SCAMP5: variants seen among roughly 807,000 people sequenced by gnomAD.
SCAMP5 encodes the protein secretory carrier membrane protein 5, also known as secretory carrier-associated membrane protein 5.
SCAMP5 carries 7 observed loss-of-function variants against 28.3 expected under a neutral mutation model. That is an observed-to-expected ratio of 0.25 (90% CI 0.14 to 0.46). The LOEUF (loss-of-function observed/expected upper bound fraction) is 0.46, where lower values mean the gene tolerates loss of function less well. SCAMP5 is among the 20% of genes least tolerant of loss of function. The probability of loss-of-function intolerance (pLI) is 0.99; values close to 1 mark genes in which losing one functional copy is unlikely to be tolerated. For synonymous variants in SCAMP5, 117 were observed against 116.4 expected, an observed-to-expected ratio of 1.00 and a Z score of -0.03; for missense variants, 192 against 312.5, an observed-to-expected ratio of 0.61 and a Z score of 2.91.
intron 1 of SCAMP5, among the ~76,000 whole-genome samples, chr15:75,006,419 G>A (rs111726606): frequency 0.17 from 25,791 of 150,826 alleles, 3,253 homozygotes; most frequent in South Asian, 0.44. Context: ...TTGGGAGGCT[G>A]AGGTGGGTGG....
In SCAMP5 at chr15:75,011,825, C is replaced by A; in HGVS notation, c.-15C>A. ...AAAGAGGTGTGGGCAGGCCACTGGG[C>A]CAGCTGGTAACATCATGGCAGGTAA... On this transcript the variant is annotated 5_prime_UTR_variant, in exon 2 of 7. Transcript: ENST00000425597. 6.2e-7 allele frequency: 1 copy of A among 1,611,962 alleles called. No individual in the cohort carries two copies. Among genetic ancestry groups the A allele is most frequent in the Non-Finnish European group, 8.5e-7 (1 of 1,178,312 alleles).
chr15:75,014,954 G>C (rs1346965680), intron 3 of SCAMP5, among the ~76,000 whole-genome samples: 1 of 152,192 alleles, frequency 6.6e-6, no homozygotes, highest in South Asian at 2.1e-4. Flanking sequence ...AAATACAGCT[G>C]AAATGTACAG....
intron 1 of SCAMP5, among the ~76,000 whole-genome samples, chr15:75,011,499 C>G (rs1215731458): frequency 2.0e-5 from 3 of 152,344 alleles, no homozygotes; most frequent in South Asian, 2.1e-4. Context: ...AATAGAATGT[C>G]ACTTGGCTTT....
chr15:75,011,934 T>C, intron 2 of SCAMP5, 88 bp downstream of exon 2: 1 of 1,098,156 alleles, frequency 9.1e-7, no homozygotes, highest in Non-Finnish European at 1.4e-6. Context: ...TCTCCCCTAG[T>C]CTTTGGAGGC....
rs2065884927 is a variant in SCAMP5 at position 75,019,119 on chromosome 15, A to T, written c.*136A>T. On this transcript the variant is annotated 3_prime_UTR_variant, in exon 7 of 7. Transcript: ENST00000425597. ...CTACTTTGTACAAAGGACCAGAGTT[A>T]TATATATATATATATGTATATGTCT... The T allele has an allele frequency of 2.3e-5, 7 of 310,708 alleles. No individual in the cohort carries two copies. In the Admixed American group the frequency reaches 3.1e-4, roughly 14 times the overall value. 19.2% of individuals were successfully genotyped at this position (310,708 alleles called of 1,614,324 possible).
intron 3 of SCAMP5, 150 bp downstream of exon 3, chr15:75,012,955 G>C (rs2065826075): frequency 1.4e-6 from 1 of 707,650 alleles, no homozygotes; most frequent in South Asian, 1.9e-5. Context: ...TCCCCTGCCA[G>C]GCTCCCAGAG....
At chr15:75,003,997 G>A (rs1007027855) in intron 1 of SCAMP5, among the ~76,000 whole-genome samples, 18 of 151,670 alleles carry the variant, frequency 1.2e-4, no homozygotes, top group Non-Finnish European at 4.4e-5. Context: ...CTCCGCTTCC[G>A]GGGTTCAAGC....
rs182050628 is a variant in SCAMP5 at position 75,000,234 on chromosome 15, G to A, written c.-49+4561G>A. Reference sequence around the variant, plus strand: ...TTTAGAGATGAGGTCTCACTATGTTGTCCAGGCTGTAGTGCAGTGACTATT... The same window carrying A: ...TTTAGAGATGAGGTCTCACTATGTTATCCAGGCTGTAGTGCAGTGACTATT... On this transcript the variant is annotated intron_variant, in intron 1 of 6. Coordinates refer to ENST00000425597, the MANE Select transcript of SCAMP5 (RefSeq NM_138967.4). Among the ~76,000 whole-genome samples, 15 of 152,158 alleles carry A rather than the reference G, an allele frequency of 9.9e-5. No homozygotes were observed. In the East Asian group the frequency reaches 2.9e-3, roughly 29 times the overall value.
intron 1 of SCAMP5, among the ~76,000 whole-genome samples, chr15:74,998,377 G>T (rs932121359): frequency 1.3e-5 from 2 of 152,088 alleles, no homozygotes; most frequent in Non-Finnish European, 2.9e-5. Flanking sequence ...AGGCCGAGGC[G>T]GGTGGATCAC....
At chr15:75,000,421 G>C (rs2065693120) in intron 1 of SCAMP5, among the ~76,000 whole-genome samples, 1 of 150,778 alleles carries the variant, frequency 6.6e-6, no homozygotes, top group African/African-American at 2.4e-5. Context: ...GTCTTGTTCT[G>C]TCCCCCAGGC....
At chr15:75,001,856 C>A (rs576319717) in intron 1 of SCAMP5, among the ~76,000 whole-genome samples, 2 of 103,128 alleles carry the variant, frequency 1.9e-5, no homozygotes, top group African/African-American at 3.8e-5. Flanking sequence ...GGCAACAGGG[C>A]AAGACTCGGT....
chr15:75,012,662 G>A lies in SCAMP5; in HGVS notation c.8-15G>A. ...AAGACTGGAGGTGATGTTGTGCAATGTGTCTCATCCACAGAGAAAGTGAAC... is the reference window on the plus strand; with the variant it reads ...AAGACTGGAGGTGATGTTGTGCAATATGTCTCATCCACAGAGAAAGTGAAC... On this transcript the variant is annotated splice_polypyrimidine_tract_variant and intron_variant, in intron 2 of 6. Coordinates refer to ENST00000425597, the MANE Select transcript of SCAMP5 (RefSeq NM_138967.4). The A allele has an allele frequency of 2.5e-6, 4 of 1,613,896 alleles. No homozygotes were observed. Among genetic ancestry groups the A allele is most frequent in the Non-Finnish European group, 3.4e-6 (4 of 1,179,786 alleles).
Position 74,996,811 on chromosome 15 carries a change from T to G in SCAMP5, c.-49+1138T>G, listed in dbSNP as rs539852783. 3.1e-4 allele frequency among the ~76,000 whole-genome samples: 47 copies of G among 152,300 alleles called. No individual in the cohort carries two copies. The highest frequency in any genetic ancestry group is 9.1e-4 in the African/African-American group (38 of 41,560). On this transcript the variant is annotated intron_variant, in intron 1 of 6. Coordinates refer to ENST00000425597, the MANE Select transcript of SCAMP5 (RefSeq NM_138967.4). This position sits in a 1 kb window ranked among gnomAD's most constrained non-coding sequence, Gnocchi z 4.1. Reference sequence around the variant, plus strand: ...GATTTTGTTTGGGGCTACACAGGTCTTGCTAACTTAGGTTTGTTCTGGGCT... The same window carrying G: ...GATTTTGTTTGGGGCTACACAGGTCGTGCTAACTTAGGTTTGTTCTGGGCT...
At chr15:74,999,435 C>T (rs1595878985) in intron 1 of SCAMP5, among the ~76,000 whole-genome samples, 1 of 152,162 alleles carries the variant, frequency 6.6e-6, no homozygotes, top group East Asian at 1.9e-4. Context: ...GTATTCCAAA[C>T]TGGACTACTC....
Position 75,019,978 on chromosome 15 carries a change from C to T in SCAMP5, c.*995C>T. 2 of 153,748 alleles carry T rather than the reference C, an allele frequency of 1.3e-5. No individual in the cohort carries two copies. The highest frequency in any genetic ancestry group is 1.9e-4 in the East Asian group (1 of 5,256). 9.5% of individuals were successfully genotyped at this position (153,748 alleles called of 1,614,324 possible). A position where few individuals can be genotyped will look rare whatever the true frequency, so the allele number is the denominator to read the frequency against. On this transcript the variant is annotated 3_prime_UTR_variant, in exon 7 of 7. Transcript: ENST00000425597. ...TATGTCCCTCTGCCTCCTCCCCATG[C>T]CCCCAGTTGCTGTGGCTTGATTCTG...
chr15:74,997,062 C>G (rs2065660340), intron 1 of SCAMP5, among the ~76,000 whole-genome samples: 1 of 152,146 alleles, frequency 6.6e-6, no homozygotes, highest in African/African-American at 2.4e-5. Context: ...CTGGGCATCT[C>G]TTTCTAGCAC....
intron 1 of SCAMP5, among the ~76,000 whole-genome samples, chr15:75,006,735 G>A (rs544659334): frequency 6.5e-4 from 98 of 149,998 alleles, no homozygotes; most frequent in African/African-American, 2.1e-3. Context: ...AGATCACGCC[G>A]CTGCACTCTG....
intron 1 of SCAMP5, chr15:75,007,871 G>A (rs1377041340): frequency 1.3e-5 from 2 of 152,158 alleles, no homozygotes; most frequent in Non-Finnish European, 2.9e-5. Flanking sequence ...GGCCATGTTT[G>A]TATTTTTTGT....
chr15:74,997,759 T>G (rs1268235328), intron 1 of SCAMP5, among the ~76,000 whole-genome samples: 1 of 152,178 alleles, frequency 6.6e-6, no homozygotes, highest in Non-Finnish European at 1.5e-5. Flanking sequence ...CACAAAGCCT[T>G]GAATGCCAGG....
Sources: gnomAD v4.1 joint callset for allele counts (sites outside exome capture counted in the v4.1 genomes callset) on GRCh38, gnomAD v4.1.1 for gene constraint, Gnocchi (gnomAD v3.1) non-coding constraint, MANE v1.5 for transcripts, NCBI Gene and HGNC (gene_info 2026-07-23, HGNC 2026-07-21) for gene names.